NLRP14: variants seen among roughly 807,000 people sequenced by gnomAD.
NLRP14 encodes NLR family pyrin domain containing 14.
In NLRP14, 105 loss-of-function variants were observed where a neutral mutation model predicts 94.7. That is an observed-to-expected ratio of 1.11 (90% CI 0.95 to 1.30). The LOEUF is 1.30. Among genes scored for constraint, NLRP14 ranks in the 50% most tolerant of loss-of-function variants. NLRP14 has a pLI of 0.00. For missense variants in NLRP14, 1,362 were observed against 1,254.1 expected (o/e 1.09, Z -1.30); for synonymous variants, 508 against 459.9 (o/e 1.10, Z -1.34).
chr11:7,027,043 A>G (rs1243533526), intron 1 of NLRP14, among the ~76,000 whole-genome samples: 1 of 152,020 alleles, frequency 6.6e-6, no homozygotes, highest in Non-Finnish European at 1.5e-5. Flanking sequence ...ACCTACCTGC[A>G]TCAGTGCCCC....
intron 9 of NLRP14, among the ~76,000 whole-genome samples, chr11:7,060,546 G>C (rs532033028): frequency 7.9e-5 from 12 of 152,108 alleles, no homozygotes; most frequent in African/African-American, 2.7e-4. Context: ...TGAATCTACT[G>C]TGTGTCCTCT....
At chr11:7,039,940 A>G (rs1852223472) in intron 3 of NLRP14, among the ~76,000 whole-genome samples, 155 bp downstream of exon 3, 1 of 152,084 alleles carries the variant, frequency 6.6e-6, no homozygotes, top group Non-Finnish European at 1.5e-5. Context: ...TCAGCAAAAC[A>G]CTCCCTGGCC....
At chr11:7,034,499 C>A (rs1331570102) in intron 1 of NLRP14, among the ~76,000 whole-genome samples, 1 of 152,120 alleles carries the variant, frequency 6.6e-6, no homozygotes, top group Non-Finnish European at 1.5e-5. Context: ...GTGGACATCT[C>A]CAATTGTAGT....
At chr11:7,037,180 A>G (rs1852173385) in intron 1 of NLRP14, among the ~76,000 whole-genome samples, 1 of 152,212 alleles carries the variant, frequency 6.6e-6, no homozygotes, top group South Asian at 2.1e-4. Context: ...AGTTTCCTCA[A>G]ATCTTTTCCT....
Position 7,025,899 on chromosome 11 carries a change from C to T in NLRP14, c.-22+5129C>T, listed in dbSNP as rs539863147. On this transcript the variant is annotated intron_variant, in intron 1 of 11. Transcript: ENST00000299481. Reference sequence around the variant, plus strand: ...TATTTGTGTTTCAGAATTAGAACTACAATACAATAAAATAAAGCCACGCAC... The same window carrying T: ...TATTTGTGTTTCAGAATTAGAACTATAATACAATAAAATAAAGCCACGCAC... Among the ~76,000 whole-genome samples the T allele has an allele frequency of 9.9e-5, 15 of 152,102 alleles. No individual in the cohort carries two copies. In the East Asian group the frequency reaches 1.2e-3, roughly 12 times the overall value.
chr11:7,041,898 A>C (rs1366062423), intron 3 of NLRP14, among the ~76,000 whole-genome samples: 6 of 152,042 alleles, frequency 3.9e-5, no homozygotes, highest in Non-Finnish European at 8.8e-5. Flanking sequence ...TCAAAATATT[A>C]TTTAAGCTAC....
At chr11:7,060,125 T>C (rs899470771) in intron 9 of NLRP14, 61 bp downstream of exon 9, 5 of 1,412,176 alleles carry the variant, frequency 3.5e-6, no homozygotes, top group Non-Finnish European at 5.0e-6. Context: ...GGGGAGATAC[T>C]GAAAGAAAGG....
chr11:7,061,413 T>C (rs1852618064), intron 9 of NLRP14, among the ~76,000 whole-genome samples: 1 of 152,046 alleles, frequency 6.6e-6, no homozygotes, highest in Non-Finnish European at 1.5e-5. Context: ...GCTAGCCCAC[T>C]TTCTGTCCTT....
intron 10 of NLRP14, among the ~76,000 whole-genome samples, chr11:7,067,749 G>C (rs1027473208): frequency 3.9e-5 from 6 of 152,146 alleles, no homozygotes; most frequent in African/African-American, 1.4e-4. Flanking sequence ...GTTCATAATG[G>C]AGATAGGTTA....
At chr11:7,089,102 G>A in the NLRP14 span, 22 of 1,609,674 alleles carry the variant, frequency 1.4e-5, no homozygotes, top group Non-Finnish European at 1.8e-5. Flanking sequence ...GCCACTGACC[G>A]ACCGTTCGAC....
chr11:7,081,624 A>C, the NLRP14 span, among the ~76,000 whole-genome samples: 1 of 152,128 alleles, frequency 6.6e-6, no homozygotes, highest in African/African-American at 2.4e-5. Context: ...TGCTCTATAC[A>C]CTTGTGATTA....
Position 7,043,744 on chromosome 11 carries a change from C to G in NLRP14, c.1718C>G (p.Ser573Cys). The stretch of plus-strand genomic sequence containing the variant: ...GAAGTATTAGGAAACAGTGACTATT[C>G]TCCATCACAGCTGGGATTTCTGGAG... Reference protein sequence around the residue: ...CMEVLGNSDYSPSQLGFLELF... With the variant: ...CMEVLGNSDYCPSQLGFLELF... Residue 573 changes from serine (S) to cysteine (C), a missense_variant, in exon 4 of 12, where the codon TCT becomes TGT. Coordinates refer to ENST00000299481, the MANE Select transcript of NLRP14 (RefSeq NM_176822.4). The G allele has an allele frequency of 1.9e-6, 3 of 1,614,094 alleles. No homozygotes were observed. In the East Asian group the frequency reaches 6.7e-5, roughly 36 times the overall value.
the NLRP14 span, among the ~76,000 whole-genome samples, chr11:7,079,204 T>C: frequency 2.6e-5 from 4 of 152,242 alleles, no homozygotes; most frequent in Non-Finnish European, 5.9e-5. Context: ...CTTCTTCATC[T>C]TGGAGCTTCT....
At chr11:7,075,293 A>T (rs1852861814), downstream of NLRP14, among the ~76,000 whole-genome samples, 1 of 152,224 alleles carries the variant, frequency 6.6e-6, no homozygotes, top group Non-Finnish European at 1.5e-5. Flanking sequence ...CTATGCAAAG[A>T]CCTAGTATTA....
intron 5 of NLRP14, 67 bp downstream of exon 5, chr11:7,046,899 A>ACGAGTATGAG: frequency 8.3e-7 from 1 of 1,211,492 alleles, no homozygotes; most frequent in Non-Finnish European, 1.2e-6. Flanking sequence ...TCTTCCACTC[A>ACGAGTATGAG]TACTCGTTAG....
intron 1 of NLRP14, among the ~76,000 whole-genome samples, chr11:7,031,878 G>T (rs1255273168): frequency 1.3e-5 from 2 of 152,166 alleles, no homozygotes; most frequent in Non-Finnish European, 1.5e-5. Flanking sequence ...CAAAGTTCAA[G>T]AAATATTAGT....
At chr11:7,087,995 T>C in the NLRP14 span, among the ~76,000 whole-genome samples, 4 of 152,102 alleles carry the variant, frequency 2.6e-5, no homozygotes, top group Non-Finnish European at 5.9e-5. Context: ...AAACCAGACA[T>C]AAAGACAAAG....
chr11:7,088,227 A>C, the NLRP14 span, among the ~76,000 whole-genome samples: 1 of 152,214 alleles, frequency 6.6e-6, no homozygotes, highest in African/African-American at 2.4e-5. Flanking sequence ...AACAATGGAT[A>C]TCGTACAGAG....
At chr11:7,059,772 T>C (rs1384297953) in intron 8 of NLRP14, 122 bp from the exon 9 acceptor site, 1 of 848,836 alleles carries the variant, frequency 1.2e-6, no homozygotes, top group Non-Finnish European at 2.0e-6. Flanking sequence ...GTGAGGGTGT[T>C]TCATCTGAGA....
Sources: gnomAD v4.1 joint callset for allele counts (sites outside exome capture counted in the v4.1 genomes callset) on GRCh38, gnomAD v4.1.1 for gene constraint, MANE v1.5 for transcripts, NCBI Gene and HGNC (gene_info 2026-07-23, HGNC 2026-07-21) for gene names.